Variants in RAD54B observed in about 807,000 individuals in gnomAD.
RAD54B encodes the protein DNA repair and recombination protein RAD54B.
A neutral mutation model predicts 95.8 loss-of-function variants in RAD54B; 78 were observed. The ratio of observed to expected loss-of-function variants is 0.81; its 90% CI spans 0.68 to 0.98. The LOEUF is 0.98. Among genes scored for constraint, RAD54B ranks in the 50% least tolerant of loss-of-function variants. The pLI is 0.00. For synonymous variants in RAD54B, 328 were observed against 354.9 expected (o/e 0.92, Z 0.85); for missense variants, 957 against 1,056.6 (o/e 0.91, Z 1.31).
chr8:94,442,833 C>T (rs751320629), intron 3 of RAD54B, among the ~76,000 whole-genome samples: 22 of 152,146 alleles, frequency 1.4e-4, no homozygotes, highest in Non-Finnish European at 1.0e-4. Flanking sequence ...GCAACACTGC[C>T]TTTCCTTCCT....
In RAD54B at chr8:94,372,201, T is replaced by C; in HGVS notation, c.2702A>G (p.Gln901Arg). ...RITENVSFIFQNITTQATGT is the reference protein window; with the variant it reads ...RITENVSFIFRNITTQATGT The stretch of plus-strand genomic sequence containing the variant: ...GCCAGTAGCTTGAGTGGTTATATTC[T>C]GAAAAATGAATGACACATTTTCTGT... Residue 901 changes from glutamine (Q) to arginine (R), a missense_variant, in exon 15 of 15, where the codon CAG becomes CGG. Transcript: ENST00000336148. The C allele has an allele frequency of 6.2e-7, 1 of 1,610,958 alleles. No individual in the cohort carries two copies. The highest frequency in any genetic ancestry group is 8.5e-7 in the Non-Finnish European group (1 of 1,178,984).
rs1450444262 is a variant in RAD54B, at chr8:94,415,053, T to C, written c.305-3738A>G. Among the ~76,000 whole-genome samples the C allele has an allele frequency of 1.1e-4, 17 of 151,652 alleles. No individual in the cohort carries two copies. In the South Asian group the frequency reaches 2.9e-3, roughly 26 times the overall value. ...TATGGAACCAAAAAAGAGCCCGCAT[T>C]GCCAAGTCAATCCTGAGCCAAAAGA... On this transcript the variant is annotated intron_variant, in intron 3 of 14. Transcript: ENST00000336148.
intron 3 of RAD54B, chr8:94,436,678 G>C (rs1483715905): frequency 6.4e-7 from 1 of 1,550,450 alleles, no homozygotes; most frequent in South Asian, 1.2e-5. Flanking sequence ...GCCCTGTGCT[G>C]TTCGAGGAGG....
At chr8:94,435,961 T>C (rs1812246500) in intron 3 of RAD54B, among the ~76,000 whole-genome samples, 1 of 152,148 alleles carries the variant, frequency 6.6e-6, no homozygotes, top group Non-Finnish European at 1.5e-5. Context: ...TTAAACTGTC[T>C]TCATATACAC....
At chr8:94,439,962 A>G (rs1812361362) in intron 3 of RAD54B, among the ~76,000 whole-genome samples, 1 of 152,222 alleles carries the variant, frequency 6.6e-6, no homozygotes, top group Non-Finnish European at 1.5e-5. Context: ...AACAAGGGGA[A>G]AGTGGATTCT....
In RAD54B at chr8:94,400,332, A is replaced by G; in HGVS notation, c.1076T>C (p.Leu359Pro). Residue 359 changes from leucine to proline, a missense_variant, in exon 7 of 15, where the codon CTA (leucine) becomes CCA (proline). Leu to Pro is a moderately conservative substitution (Grantham distance 98). Transcript: ENST00000336148. Reference sequence around the variant, plus strand: ...CACCAAGCTTCCAGGTGTGACAATTAGTGTCTTCTTTATTACTGGCTTGCC... The same window carrying G: ...CACCAAGCTTCCAGGTGTGACAATTGGTGTCTTCTTTATTACTGGCTTGCC... ...YGGKPVIKKT[L>P]IVTPGSLVNN... 6.2e-7 allele frequency: 1 copy of G among 1,613,858 alleles called. No homozygotes were observed. Among genetic ancestry groups the G allele is most frequent in the African/African-American group, 1.3e-5 (1 of 75,010 alleles).
At chr8:94,426,943 G>C (rs1054369285) in intron 3 of RAD54B, among the ~76,000 whole-genome samples, 2 of 152,006 alleles carry the variant, frequency 1.3e-5, no homozygotes, top group African/African-American at 4.8e-5. Context: ...AACTTGTTTC[G>C]AAGTAACATT....
chr8:94,461,313 C>T (rs1388024048), intron 2 of RAD54B, among the ~76,000 whole-genome samples: 1 of 151,400 alleles, frequency 6.6e-6, no homozygotes, highest in Non-Finnish European at 1.5e-5. Flanking sequence ...GCTGAGATTA[C>T]AGGCATGCAC....
chr8:94,438,354 A>T (rs887008561), intron 3 of RAD54B, among the ~76,000 whole-genome samples: 14 of 152,226 alleles, frequency 9.2e-5, no homozygotes, highest in South Asian at 4.1e-4. Context: ...GAGTAATTTG[A>T]TTCCATAATA....
intron 2 of RAD54B, among the ~76,000 whole-genome samples, chr8:94,466,010 G>A (rs1166226115): frequency 1.3e-5 from 2 of 152,194 alleles, no homozygotes; most frequent in Non-Finnish European, 2.9e-5. Context: ...GCTGAGTGGA[G>A]AGAATGGGGA....
chr8:94,426,397 T>C (rs952180865), intron 3 of RAD54B, among the ~76,000 whole-genome samples: 1 of 152,136 alleles, frequency 6.6e-6, no homozygotes, highest in Admixed American at 6.5e-5. Flanking sequence ...CATGAAAAAC[T>C]TGCACAAGAA....
At chr8:94,470,548 T>C (rs1272404978) in intron 1 of RAD54B, among the ~76,000 whole-genome samples, 2 of 151,104 alleles carry the variant, frequency 1.3e-5, no homozygotes, top group East Asian at 3.9e-4. Flanking sequence ...TGAGCCGAGA[T>C]AGCGCCACTG....
chr8:94,422,398 C>A (rs911366084), intron 3 of RAD54B, among the ~76,000 whole-genome samples: 1 of 150,550 alleles, frequency 6.6e-6, no homozygotes, highest in African/African-American at 2.4e-5. Flanking sequence ...ACCAGCCTGG[C>A]CAACGTGGCG....
At chr8:94,454,086 C>T (rs142150776) in intron 3 of RAD54B, among the ~76,000 whole-genome samples, 411 of 152,106 alleles carry the variant, frequency 2.7e-3, no homozygotes, top group African/African-American at 9.5e-3. Context: ...CCACCATGCC[C>T]GGCCAACTTT....
intron 3 of RAD54B, among the ~76,000 whole-genome samples, chr8:94,419,872 C>T (rs1027709061): frequency 1.3e-5 from 2 of 151,948 alleles, no homozygotes; most frequent in Admixed American, 1.3e-4. Flanking sequence ...ATGTACCACA[C>T]AACAAGGTTT....
Position 94,372,041 on chromosome 8 carries a change from G to A in RAD54B, c.*129C>T. ...ATTAAACCACTCAATTTTGACTATT[G>A]TATCAAAAGTGATATATTTTGCAAC... On this transcript the variant is annotated 3_prime_UTR_variant, in exon 15 of 15. Coordinates refer to ENST00000336148, the MANE Select transcript of RAD54B (RefSeq NM_012415.3). 1 of 1,385,628 alleles carries A rather than the reference G, an allele frequency of 7.2e-7. No individual in the cohort carries two copies. The highest frequency in any genetic ancestry group is 9.4e-7 in the Non-Finnish European group (1 of 1,062,124). The allele number at this position is 1,385,628 out of a possible 1,614,324, so 85.8% of individuals were successfully genotyped here. A position where few individuals can be genotyped will look rare whatever the true frequency, so the allele number is the denominator to read the frequency against.
chr8:94,468,644 TG>T (rs1188435031), intron 1 of RAD54B, among the ~76,000 whole-genome samples: 7 of 151,410 alleles, frequency 4.6e-5, no homozygotes, highest in Non-Finnish European at 1.0e-4. Flanking sequence ...GCTAACCCAG[TG>T]AAACCACATC....
At position 94,391,647 on chromosome 8, in the gene RAD54B, GT is replaced by G. The variant is rs1457376007; in HGVS notation, c.1770del (p.Lys590AsnfsTer13). On this transcript the variant is annotated frameshift_variant, in exon 10 of 15. Coordinates refer to ENST00000336148, the MANE Select transcript of RAD54B (RefSeq NM_012415.3). LOFTEE classifies it high-confidence loss of function. ...AACAAAAGGCAGGGGTGATTGCACA[GT>G]TTTTTAAGAGCTCCTATACATATTA... ...PHLICIGALK[K>X]LCNHPCLLFN... 2 of 1,613,696 alleles carry G rather than the reference GT, an allele frequency of 1.2e-6. No individual in the cohort carries two copies. Among genetic ancestry groups the G allele is most frequent in the Non-Finnish European group, 1.7e-6 (2 of 1,179,960 alleles).
chr8:94,427,519 A>G (rs746735906), intron 3 of RAD54B, among the ~76,000 whole-genome samples: 11 of 152,190 alleles, frequency 7.2e-5, no homozygotes, highest in Admixed American at 3.3e-4. Flanking sequence ...ACCATCAAAT[A>G]TTTGATTTTG....
Sources: gnomAD v4.1 joint callset for allele counts (sites outside exome capture counted in the v4.1 genomes callset) on GRCh38, gnomAD v4.1.1 for gene constraint, MANE v1.5 for transcripts, NCBI Gene and HGNC (gene_info 2026-07-23, HGNC 2026-07-21) for gene names.